Variants in SYNDIG1 observed in about 807,000 individuals in gnomAD.
The protein encoded by SYNDIG1 is synapse differentiation-inducing gene protein 1.
Under a neutral mutation model 19.4 loss-of-function variants are expected in SYNDIG1, and 9 were observed. The observed-to-expected ratio is 0.46, with a 90% CI of 0.28 to 0.81. The LOEUF (loss-of-function observed/expected upper bound fraction) is 0.81. Among genes scored for constraint, SYNDIG1 ranks in the 30% least tolerant of loss-of-function variants. The probability of loss-of-function intolerance (pLI) is 0.12; values close to 1 mark genes in which losing one functional copy is unlikely to be tolerated. For missense variants in SYNDIG1, 311 were observed against 343.3 expected, an observed-to-expected ratio of 0.91 and a Z score of 0.74; for synonymous variants, 141 against 145.9, an observed-to-expected ratio of 0.97 and a Z score of 0.24.
At chr20:24,642,558 G>A (rs79309723) in intron 3 of SYNDIG1, among the ~76,000 whole-genome samples, 6,257 of 152,186 alleles carry the variant, frequency 0.041, 215 homozygotes, top group East Asian at 0.15. Flanking sequence ...CCATTAATTG[G>A]TTCATCCATT....
At chr20:24,470,457 C>G (rs1331795555) in intron 1 of SYNDIG1, among the ~76,000 whole-genome samples, 1 of 152,200 alleles carries the variant, frequency 6.6e-6, no homozygotes, top group African/African-American at 2.4e-5. Context: ...CCGCGACAGC[C>G]TGCAGCCCTG....
chr20:24,635,267 G>A (rs868417579), intron 3 of SYNDIG1, among the ~76,000 whole-genome samples: 29 of 152,356 alleles, frequency 1.9e-4, no homozygotes, highest in Middle Eastern at 3.4e-3. Flanking sequence ...GAGCCCCATC[G>A]TCCTGTCACA....
chr20:24,617,924 G>A, intron 3 of SYNDIG1, among the ~76,000 whole-genome samples: 1 of 146,142 alleles, frequency 6.8e-6, no homozygotes, highest in Non-Finnish European at 1.5e-5. Flanking sequence ...AGAAGCGGGA[G>A]AGCCCGGGGA....
rs547246520 is a variant in SYNDIG1 at position 24,643,444 on chromosome 20, G to A, written c.619-21902G>A. On this transcript the variant is annotated intron_variant, in intron 3 of 3. Coordinates refer to ENST00000376862, the MANE Select transcript of SYNDIG1 (RefSeq NM_024893.3). ...AAGTAACTTTATCAGCTAGAGTGCC[G>A]TGTTCATGAGAAGTAACTTTATCAG... is the stretch of plus-strand genomic sequence containing the variant. Among the ~76,000 whole-genome samples the A allele has an allele frequency of 1.3e-3, 197 of 150,938 alleles. 2 individuals are homozygous for A. The highest frequency in any genetic ancestry group is 0.012 in the Admixed American group (189 of 15,158).
chr20:24,581,357 C>T (rs188426148), intron 2 of SYNDIG1, among the ~76,000 whole-genome samples: 68 of 152,122 alleles, frequency 4.5e-4, no homozygotes, highest in South Asian at 2.7e-3. Context: ...AACAGACAGG[C>T]GGATTTTTTG....
At chr20:24,599,849 G>A (rs112420195) in intron 3 of SYNDIG1, among the ~76,000 whole-genome samples, 173 of 152,290 alleles carry the variant, frequency 1.1e-3, no homozygotes, top group Non-Finnish European at 1.8e-3. Context: ...GTTGGGGGAC[G>A]ATGAAGAGTA....
intron 2 of SYNDIG1, among the ~76,000 whole-genome samples, chr20:24,558,293 G>A (rs1298809510): frequency 6.6e-6 from 1 of 152,160 alleles, no homozygotes; most frequent in African/African-American, 2.4e-5. Flanking sequence ...TATTGGTTCA[G>A]TTTCATGTCC....
In SYNDIG1 at chr20:24,549,125, A is replaced by G. The variant is rs2057651051; in HGVS notation, c.480+5548A>G. ...AAACTGCATAATATATTATTTTTCAACTGTTTTCATGCTACAGTGCTGTAG... is the reference window on the plus strand; with the variant it reads ...AAACTGCATAATATATTATTTTTCAGCTGTTTTCATGCTACAGTGCTGTAG... On this transcript the variant is annotated intron_variant, in intron 2 of 3. Coordinates refer to ENST00000376862, the MANE Select transcript of SYNDIG1 (RefSeq NM_024893.3). Among the ~76,000 whole-genome samples, 3 of 152,018 alleles carry G rather than the reference A, an allele frequency of 2.0e-5. No individual in the cohort carries two copies. In the South Asian group the frequency reaches 6.2e-4, roughly 32 times the overall value.
intron 3 of SYNDIG1, among the ~76,000 whole-genome samples, chr20:24,606,279 G>A (rs950327710): frequency 7.9e-5 from 12 of 152,262 alleles, no homozygotes; most frequent in African/African-American, 2.9e-4. Context: ...ATGTGGCTAT[G>A]AGGCTGTGGT....
chr20:24,623,685 TGGTATTATTCGAG>T (rs909955949), intron 3 of SYNDIG1, among the ~76,000 whole-genome samples: 1 of 152,144 alleles, frequency 6.6e-6, no homozygotes, highest in African/African-American at 2.4e-5. Flanking sequence ...TGGAGCAGTA[TGGTATTATTCGAG>T]GGTAAATTTA....
chr20:24,592,569 A>G (rs554255265), intron 3 of SYNDIG1, among the ~76,000 whole-genome samples: 2 of 152,292 alleles, frequency 1.3e-5, no homozygotes, highest in Admixed American at 6.5e-5. Flanking sequence ...CAGGGCCATC[A>G]TAATCAGACT....
chr20:24,595,328 C>G (rs191585927), intron 3 of SYNDIG1, among the ~76,000 whole-genome samples: 1 of 152,122 alleles, frequency 6.6e-6, no homozygotes, highest in Non-Finnish European at 1.5e-5. Flanking sequence ...GGTTTGCATA[C>G]GTTGAACCAA....
intron 1 of SYNDIG1, among the ~76,000 whole-genome samples, chr20:24,477,988 C>T (rs186580755): frequency 5.9e-5 from 9 of 152,322 alleles, no homozygotes; most frequent in Middle Eastern, 6.8e-3. Flanking sequence ...CTGGGCTGGA[C>T]AAGAACTCCA....
At chr20:24,472,896 T>C (rs1418899901) in intron 1 of SYNDIG1, among the ~76,000 whole-genome samples, 1 of 152,242 alleles carries the variant, frequency 6.6e-6, no homozygotes, top group African/African-American at 2.4e-5. Context: ...AAGGTGTCCT[T>C]AGTTAACCTT....
At chr20:24,530,243 T>G (rs2057228640) in intron 1 of SYNDIG1, among the ~76,000 whole-genome samples, 1 of 152,196 alleles carries the variant, frequency 6.6e-6, no homozygotes, top group Admixed American at 6.5e-5. Flanking sequence ...TATGTCTGAC[T>G]GCTTATAAAT....
chr20:24,583,764 T>A (rs1171585149), intron 2 of SYNDIG1, among the ~76,000 whole-genome samples: 1 of 152,118 alleles, frequency 6.6e-6, no homozygotes, highest in African/African-American at 2.4e-5. Flanking sequence ...GAGCTGCTTT[T>A]CAAAAATTAC....
intron 1 of SYNDIG1, among the ~76,000 whole-genome samples, chr20:24,487,827 AT>A (rs1360684882): frequency 6.6e-6 from 1 of 152,114 alleles, no homozygotes; most frequent in Non-Finnish European, 1.5e-5. Flanking sequence ...TGGGATCTGG[AT>A]TTGGACTGAC....
At chr20:24,507,907 C>T (rs1235668742) in intron 1 of SYNDIG1, among the ~76,000 whole-genome samples, 1 of 152,094 alleles carries the variant, frequency 6.6e-6, no homozygotes, top group Non-Finnish European at 1.5e-5. Context: ...GTGCGCTGTT[C>T]CACAACCCAG....
intron 1 of SYNDIG1, among the ~76,000 whole-genome samples, chr20:24,531,813 T>G (rs1244961848): frequency 6.6e-6 from 1 of 152,194 alleles, no homozygotes; most frequent in Non-Finnish European, 1.5e-5. Context: ...CCATTTCTGG[T>G]GGGGAAGATG....
Sources: gnomAD v4.1 joint callset for allele counts (sites outside exome capture counted in the v4.1 genomes callset) on GRCh38, gnomAD v4.1.1 for gene constraint, MANE v1.5 for transcripts, NCBI Gene and HGNC (gene_info 2026-07-23, HGNC 2026-07-21) for gene names.